MYOF: variants seen among roughly 807,000 people sequenced by gnomAD.
MYOF encodes the protein myoferlin, also known as fer-1-like 3, myoferlin.
MYOF carries 244 observed loss-of-function variants against 284.2 expected under a neutral mutation model. That is an observed-to-expected ratio of 0.86 (90% CI 0.77 to 0.95). The LOEUF is 0.95. Ranked by LOEUF, MYOF falls within the 40% of genes least tolerant of loss-of-function variation. The pLI is 0.00. For synonymous variants in MYOF, 904 were observed against 919.7 expected (o/e 0.98, Z 0.31); for missense variants, 2,496 against 2,560.6 (o/e 0.97, Z 0.54).
chr10:93,354,742 C>G (rs1270420379), intron 31 of MYOF, among the ~76,000 whole-genome samples: 3 of 145,010 alleles, frequency 2.1e-5, no homozygotes, highest in Admixed American at 7.0e-5. Flanking sequence ...TGCACAGATT[C>G]TGGGAGCTCT....
chr10:93,403,903 T>C, intron 9 of MYOF, 120 bp downstream of exon 9: 1 of 1,055,070 alleles, frequency 9.5e-7, no homozygotes, highest in Non-Finnish European at 1.4e-6. Context: ...GCAAGTGTCA[T>C]CATGCTGAAC....
At chr10:93,354,666 ACTCTCTCTCTCTCTCTCT>A (rs140255016) in intron 31 of MYOF, among the ~76,000 whole-genome samples, 2 of 119,236 alleles carry the variant, frequency 1.7e-5, no homozygotes, top group African/African-American at 6.5e-5. Context: ...TCACACATTC[ACTCTCTCTCTCTCTCTCT>A]CTCTCTCTCT....
chr10:93,425,743 C>T, intron 5 of MYOF: 1 of 310,470 alleles, frequency 3.2e-6, no homozygotes. Context: ...TTGAGCCAAA[C>T]AGCCTGGAGA....
At chr10:93,405,213 G>A (rs1847497789) in intron 7 of MYOF, among the ~76,000 whole-genome samples, 1 of 152,098 alleles carries the variant, frequency 6.6e-6, no homozygotes, top group Non-Finnish European at 1.5e-5. Context: ...CTAAGAGCAA[G>A]GACATCCTCC....
chr10:93,450,846 GC>G (rs772660891), intron 3 of MYOF, among the ~76,000 whole-genome samples: 71 of 148,822 alleles, frequency 4.8e-4, no homozygotes, highest in Non-Finnish European at 7.6e-4. Context: ...TAAATATCAC[GC>G]TTTTTTTGGC....
intron 31 of MYOF, among the ~76,000 whole-genome samples, chr10:93,354,699 CTCTT>C (rs201413703): frequency 4.9e-4 from 75 of 151,572 alleles, no homozygotes; most frequent in Middle Eastern, 3.4e-3. Flanking sequence ...CTCTCTCTCT[CTCTT>C]TGTGAGATAG....
intron 19 of MYOF, among the ~76,000 whole-genome samples, chr10:93,384,797 G>A (rs1278995773): frequency 6.6e-6 from 1 of 152,218 alleles, no homozygotes; most frequent in Non-Finnish European, 1.5e-5. Context: ...TTTGCAAAAG[G>A]AGGTGATTTC....
chr10:93,432,713 T>G (rs1341204955), intron 3 of MYOF, among the ~76,000 whole-genome samples: 3 of 152,122 alleles, frequency 2.0e-5, no homozygotes, highest in Non-Finnish European at 4.4e-5. Flanking sequence ...CACTTACCCA[T>G]CTATCTCCTA....
intron 31 of MYOF, 26 bp from the exon 32 acceptor site, chr10:93,353,914 T>C: frequency 6.4e-7 from 1 of 1,569,498 alleles, no homozygotes. Context: ...AAAGATTACT[T>C]ACAAGAAGCG....
At chr10:93,382,258 A>T (rs1374228762) in intron 19 of MYOF, among the ~76,000 whole-genome samples, 1 of 151,108 alleles carries the variant, frequency 6.6e-6, no homozygotes, top group Admixed American at 6.6e-5. Context: ...TTTTTTTTTG[A>T]GACAGGGTCT....
chr10:93,375,059 C>A, intron 22 of MYOF, 104 bp from the exon 23 acceptor site: 1 of 1,101,088 alleles, frequency 9.1e-7, no homozygotes, highest in Non-Finnish European at 1.3e-6. Context: ...TCTTGCAAAC[C>A]ACATCAACCT....
intron 48 of MYOF, among the ~76,000 whole-genome samples, chr10:93,320,684 T>A (rs1483563790): frequency 6.6e-6 from 1 of 152,110 alleles, no homozygotes; most frequent in African/African-American, 2.4e-5. Context: ...ACTGAAGGAA[T>A]GAATGAATGA....
At chr10:93,470,250 C>CAGAG (rs2057112228) in intron 1 of MYOF, among the ~76,000 whole-genome samples, 1 of 145,272 alleles carries the variant, frequency 6.9e-6, no homozygotes, top group South Asian at 2.1e-4. Context: ...AAGAAAGAAA[C>CAGAG]AAAGAAAGAA....
intron 7 of MYOF, 124 bp downstream of exon 7, chr10:93,408,663 C>T: frequency 7.5e-7 from 1 of 1,324,992 alleles, no homozygotes; most frequent in East Asian, 2.3e-5. Context: ...CACATGGTCA[C>T]ACCTAGTTTT....
intron 4 of MYOF, among the ~76,000 whole-genome samples, chr10:93,429,475 T>C (rs563008634): frequency 7.9e-4 from 121 of 152,344 alleles, no homozygotes; most frequent in Non-Finnish European, 9.8e-4. Context: ...TGCTTTCTTC[T>C]GTGCTTTAAA....
At chr10:93,474,486 C>T (rs576176539) in intron 1 of MYOF, among the ~76,000 whole-genome samples, 1 of 152,310 alleles carries the variant, frequency 6.6e-6, no homozygotes, top group African/African-American at 2.4e-5. Context: ...CAGATTGTAA[C>T]TTTTCATGTC....
intron 4 of MYOF, among the ~76,000 whole-genome samples, chr10:93,427,634 A>C (rs183607966): frequency 3.6e-4 from 55 of 152,212 alleles, no homozygotes; most frequent in Middle Eastern, 3.4e-3. Flanking sequence ...TAAAGAGGAA[A>C]CAAATATGCA....
chr10:93,460,777 A>AG (rs200031249), intron 1 of MYOF, among the ~76,000 whole-genome samples: 10,209 of 107,390 alleles, frequency 0.095, 613 homozygotes, highest in South Asian at 0.21. Context: ...CAAAAAAAAA[A>AG]AAAAAAAAGA....
intron 1 of MYOF, among the ~76,000 whole-genome samples, chr10:93,457,199 G>A (rs74826316): frequency 1.3e-5 from 2 of 152,324 alleles, no homozygotes; most frequent in Non-Finnish European, 2.9e-5. Context: ...GCTACCCAGA[G>A]CCTCTGCATC....
Sources: allele counts gnomAD v4.1 joint callset (sites outside exome capture counted in the v4.1 genomes callset), GRCh38; gene constraint gnomAD v4.1.1; transcripts MANE v1.5; gene names NCBI Gene and HGNC (gene_info 2026-07-23, HGNC 2026-07-21).